SHTN1: variants seen among roughly 807,000 people sequenced by gnomAD.
The protein encoded by SHTN1 is shootin-1.
SHTN1 carries 42 observed loss-of-function variants against 83.1 expected under a neutral mutation model. The ratio of observed to expected loss-of-function variants is 0.51; its 90% CI spans 0.39 to 0.65. The LOEUF (loss-of-function observed/expected upper bound fraction) is 0.65, where lower values mean the gene tolerates loss of function less well. SHTN1 is among the 30% of genes least tolerant of loss of function. The pLI is 0.00. For synonymous variants in SHTN1, 224 were observed against 247.7 expected (o/e 0.90, Z 0.90); for missense variants, 622 against 737.8 (o/e 0.84, Z 1.82).
chr10:117,126,162 G>C (rs1201473244), intron 1 of SHTN1: 1 of 152,856 alleles, frequency 6.5e-6, no homozygotes, highest in Non-Finnish European at 1.5e-5. Context: ...CCACTGCCTT[G>C]GGTCACAGCT....
chr10:117,018,089 T>G (rs1359577864), intron 2 of SHTN1, among the ~76,000 whole-genome samples: 1 of 152,188 alleles, frequency 6.6e-6, no homozygotes, highest in African/African-American at 2.4e-5. Flanking sequence ...TGATGTAGTA[T>G]TCTGGACTGG....
At chr10:117,000,643 A>G (rs1288317833) in intron 1 of SHTN1, among the ~76,000 whole-genome samples, 1 of 152,148 alleles carries the variant, frequency 6.6e-6, no homozygotes, top group Admixed American at 6.5e-5. Flanking sequence ...TACTACACTG[A>G]ACAGTTTAGC....
At position 116,886,499 on chromosome 10, in the gene SHTN1, C is replaced by T; in HGVS notation, c.1741G>A (p.Val581Ile). ...TCATGTGTAGAAACAGGATCTAAAA[C>T]TACAACTGGTTCGGCTTGTTTTTCA... ...DGEKQAEPVV[V>I]LDPVSTHEPQ... Residue 581 changes from valine to isoleucine, a missense_variant, in exon 17 of 17, where the codon GTT (valine) becomes ATT (isoleucine). Around this residue, in one of 3 missense-constraint regions of SHTN1, gnomAD observed 231 missense variants for 251.6 expected, o/e 0.92. Transcript: ENST00000355371. The T allele has an allele frequency of 6.2e-7, 1 of 1,614,150 alleles. No homozygotes were observed. The highest frequency in any genetic ancestry group is 8.5e-7 in the Non-Finnish European group (1 of 1,180,024).
intron 11 of SHTN1, among the ~76,000 whole-genome samples, chr10:116,926,010 A>C (rs1037648544): frequency 3.3e-5 from 5 of 152,086 alleles, no homozygotes; most frequent in African/African-American, 9.6e-5. Flanking sequence ...CAAAAAAAAA[A>C]CTCTTTTCTT....
intron 1 of SHTN1, among the ~76,000 whole-genome samples, chr10:117,051,999 CATATATATATATATAT>C (rs71013635): frequency 1.5e-4 from 5 of 34,116 alleles, no homozygotes; most frequent in Non-Finnish European, 3.5e-4. Flanking sequence ...ATGACATAAT[CATATATATATATATAT>C]ATATATAGAA....
intron 4 of SHTN1, among the ~76,000 whole-genome samples, chr10:116,959,706 A>G (rs901127627): frequency 1.3e-5 from 2 of 152,206 alleles, no homozygotes; most frequent in Non-Finnish European, 2.9e-5. Flanking sequence ...TTCATAAATA[A>G]TCACCTGAAA....
intron 2 of SHTN1, among the ~76,000 whole-genome samples, chr10:117,047,407 A>C (rs1349967616): frequency 1.3e-5 from 2 of 152,180 alleles, no homozygotes; most frequent in African/African-American, 2.4e-5. Context: ...GTCATTCAAC[A>C]CTGAGAAATG....
At chr10:117,096,583 C>G (rs1334533605) in intron 1 of SHTN1, among the ~76,000 whole-genome samples, 1 of 152,198 alleles carries the variant, frequency 6.6e-6, no homozygotes, top group African/African-American at 2.4e-5. Context: ...TTGTTAGATA[C>G]TTCTGAACAC....
intron 9 of SHTN1, among the ~76,000 whole-genome samples, chr10:116,931,249 T>A (rs1320234238): frequency 6.6e-6 from 1 of 152,122 alleles, no homozygotes; most frequent in Non-Finnish European, 1.5e-5. Flanking sequence ...GTTTCGTTTT[T>A]GTTTTTGTTT....
At chr10:116,901,083 C>G in intron 16 of SHTN1, 1 of 985,342 alleles carries the variant, frequency 1.0e-6, no homozygotes, top group Admixed American at 6.1e-5. Flanking sequence ...TTTGTCTCAC[C>G]TCTTCCTTTT....
chr10:117,056,153 C>T (rs1013836384), intron 1 of SHTN1, among the ~76,000 whole-genome samples: 1 of 152,042 alleles, frequency 6.6e-6, no homozygotes, highest in Non-Finnish European at 1.5e-5. Flanking sequence ...AAAGAATTAA[C>T]ACAAATTTTA....
At chr10:116,890,691 G>C (rs1847314884) in intron 16 of SHTN1, among the ~76,000 whole-genome samples, 1 of 152,204 alleles carries the variant, frequency 6.6e-6, no homozygotes, top group Admixed American at 6.5e-5. Flanking sequence ...TGACCTTTTA[G>C]AAAGCAGCTA....
At chr10:116,983,687 A>AATACATAC (rs3981231) in intron 1 of SHTN1, among the ~76,000 whole-genome samples, 7 of 60,332 alleles carry the variant, frequency 1.2e-4, no homozygotes, top group African/African-American at 3.1e-4. Flanking sequence ...TAGATAGATA[A>AATACATAC]ATACATACAT....
At chr10:117,067,772 A>G (rs548310090) in intron 1 of SHTN1, among the ~76,000 whole-genome samples, 12 of 152,330 alleles carry the variant, frequency 7.9e-5, no homozygotes, top group Non-Finnish European at 1.6e-4. Flanking sequence ...GGAAGGATGG[A>G]AAGATAGACT....
rs559593619 is a variant in SHTN1, at chr10:116,959,234, A to T, written c.267+902T>A. On this transcript the variant is annotated intron_variant, in intron 4 of 16. Transcript: ENST00000355371. ...GTGTATTCTTCAGATGAATAACAGGAGAGAAGTTACATACCCAAATTTATA... is the reference window on the plus strand; with the variant it reads ...GTGTATTCTTCAGATGAATAACAGGTGAGAAGTTACATACCCAAATTTATA... 2.0e-5 allele frequency among the ~76,000 whole-genome samples: 3 copies of T among 152,336 alleles called. No individual in the cohort carries two copies. In the South Asian group the frequency reaches 6.2e-4, roughly 32 times the overall value.
At chr10:116,928,900 T>C (rs920305936) in intron 10 of SHTN1, among the ~76,000 whole-genome samples, 14 of 152,342 alleles carry the variant, frequency 9.2e-5, no homozygotes, top group African/African-American at 2.9e-4. Flanking sequence ...TAAGTATTAA[T>C]AGAAGGCATT....
At chr10:116,919,781 A>G (rs1848489524) in intron 12 of SHTN1, among the ~76,000 whole-genome samples, 1 of 152,240 alleles carries the variant, frequency 6.6e-6, no homozygotes, top group African/African-American at 2.4e-5. Context: ...GGCTTGTGCA[A>G]TGCAGAATTT....
At chr10:116,944,856 A>C in intron 8 of SHTN1, 68 bp downstream of exon 8, 1 of 983,790 alleles carries the variant, frequency 1.0e-6, no homozygotes, top group Non-Finnish European at 1.6e-6. Context: ...GCGCCACTGC[A>C]CTCCAGCCTG....
intron 2 of SHTN1, among the ~76,000 whole-genome samples, chr10:117,036,733 G>T (rs1047226986): frequency 6.6e-6 from 1 of 152,128 alleles, no homozygotes; most frequent in Non-Finnish European, 1.5e-5. Flanking sequence ...AGGGCTACTA[G>T]AGTCAATAAT....
Sources: allele counts gnomAD v4.1 joint callset (sites outside exome capture counted in the v4.1 genomes callset), GRCh38; gene constraint gnomAD v4.1.1; regional missense constraint gnomAD v4.1.1; transcripts MANE v1.5; gene names NCBI Gene and HGNC (gene_info 2026-07-23, HGNC 2026-07-21).